The following SEZ6L variants were observed in gnomAD, a reference collection of about 807,000 sequenced individuals.
SEZ6L encodes seizure 6-like protein.
In SEZ6L, 37 loss-of-function variants were observed where a neutral mutation model predicts 106.2. The observed-to-expected ratio is 0.35, with a 90% CI of 0.27 to 0.46. The LOEUF (loss-of-function observed/expected upper bound fraction) is 0.46. SEZ6L is among the 20% of genes least tolerant of loss of function. The pLI is 1.00. For synonymous variants in SEZ6L, 541 were observed against 570.4 expected (o/e 0.95, Z 0.73); for missense variants, 1,172 against 1,332.8 (o/e 0.88, Z 1.88).
At chr22:26,342,533 C>CA (rs58902625) in intron 10 of SEZ6L, among the ~76,000 whole-genome samples, 43,992 of 144,418 alleles carry the variant, frequency 0.3, 7,952 homozygotes, top group African/African-American at 0.52. Flanking sequence ...ACTAAAAATA[C>CA]AAAAAAAAAA....
chr22:26,298,420 A>G (rs2081360999), intron 4 of SEZ6L, among the ~76,000 whole-genome samples: 2 of 152,136 alleles, frequency 1.3e-5, no homozygotes, highest in Non-Finnish European at 2.9e-5. Context: ...GTATTATCTC[A>G]TTTAATCCCC....
intron 1 of SEZ6L, among the ~76,000 whole-genome samples, chr22:26,190,741 G>A (rs1940135171): frequency 6.6e-6 from 1 of 152,162 alleles, no homozygotes; most frequent in South Asian, 2.1e-4. Flanking sequence ...ACTTGCCAAA[G>A]GAATGTCAGG....
intron 9 of SEZ6L, among the ~76,000 whole-genome samples, chr22:26,327,509 A>C (rs1406633476): frequency 7.1e-6 from 1 of 139,908 alleles, no homozygotes; most frequent in African/African-American, 2.7e-5. Context: ...CACACACCAC[A>C]CACGCCACAC....
chr22:26,321,559 C>G (rs567697790), intron 9 of SEZ6L, among the ~76,000 whole-genome samples: 370 of 152,338 alleles, frequency 2.4e-3, no homozygotes, highest in Non-Finnish European at 4.5e-3. Flanking sequence ...GGCATCTGGA[C>G]TTGGCACCTC....
intron 1 of SEZ6L, among the ~76,000 whole-genome samples, chr22:26,224,624 AC>A (rs1321396646): frequency 2.6e-5 from 4 of 152,204 alleles, no homozygotes; most frequent in African/African-American, 7.2e-5. Flanking sequence ...ATAAGAGTCT[AC>A]AGAGGTTTGA....
chr22:26,199,138 G>A (rs1017736634), intron 1 of SEZ6L, among the ~76,000 whole-genome samples: 1 of 152,216 alleles, frequency 6.6e-6, no homozygotes, highest in African/African-American at 2.4e-5. Flanking sequence ...AATGGAAAAG[G>A]ATGGTCCAAA....
intron 1 of SEZ6L, among the ~76,000 whole-genome samples, chr22:26,291,982 AG>A (rs1239034098): frequency 3.2e-5 from 1 of 31,438 alleles, no homozygotes; most frequent in African/African-American, 1.9e-4. Flanking sequence ...AGGAAAAGGA[AG>A]GAAGGAAGGA....
At chr22:26,323,492 G>T (rs12159313) in intron 9 of SEZ6L, among the ~76,000 whole-genome samples, 1 of 152,132 alleles carries the variant, frequency 6.6e-6, no homozygotes, top group Non-Finnish European at 1.5e-5. Context: ...AATTAGCCAG[G>T]CATGGTGGCT....
intron 1 of SEZ6L, among the ~76,000 whole-genome samples, chr22:26,212,748 C>T (rs942029562): frequency 6.6e-6 from 1 of 152,126 alleles, no homozygotes; most frequent in Non-Finnish European, 1.5e-5. Context: ...AAAGTAGACC[C>T]TGCCCCTTGA....
At chr22:26,311,387 T>TG (rs1410742698) in intron 7 of SEZ6L, among the ~76,000 whole-genome samples, 6 of 152,218 alleles carry the variant, frequency 3.9e-5, no homozygotes, top group African/African-American at 1.4e-4. Flanking sequence ...GGGGACTTTC[T>TG]GTTCTGGCTT....
At chr22:26,342,516 C>A (rs374740279) in intron 10 of SEZ6L, among the ~76,000 whole-genome samples, 1 of 147,688 alleles carries the variant, frequency 6.8e-6, no homozygotes, top group African/African-American at 2.6e-5. Flanking sequence ...AGTGAAACCC[C>A]GTCTCTACTA....
chr22:26,191,025 A>G (rs1331307161), intron 1 of SEZ6L, among the ~76,000 whole-genome samples: 1 of 152,220 alleles, frequency 6.6e-6, no homozygotes, highest in Non-Finnish European at 1.5e-5. Flanking sequence ...AGAAAAAGAT[A>G]CGGGGTGTGG....
chr22:26,251,541 G>A (rs1269047444), intron 1 of SEZ6L, among the ~76,000 whole-genome samples: 3 of 152,198 alleles, frequency 2.0e-5, no homozygotes, highest in Admixed American at 6.5e-5. Context: ...AGGGGAGCTG[G>A]AGAAAGTCAG....
chr22:26,304,787 G>A (rs1269932347), intron 5 of SEZ6L, among the ~76,000 whole-genome samples: 8 of 152,112 alleles, frequency 5.3e-5, no homozygotes, highest in African/African-American at 9.6e-5. Context: ...AAAATAGTGA[G>A]CATCTTCCTA....
At chr22:26,325,238 A>G (rs945406818) in intron 9 of SEZ6L, among the ~76,000 whole-genome samples, 2 of 152,218 alleles carry the variant, frequency 1.3e-5, no homozygotes, top group Non-Finnish European at 2.9e-5. Context: ...GCCAACCCAG[A>G]GGTATGGTGT....
chr22:26,373,814 A>T (rs1215533002), intron 14 of SEZ6L, among the ~76,000 whole-genome samples: 3 of 152,182 alleles, frequency 2.0e-5, no homozygotes, highest in Non-Finnish European at 4.4e-5. Flanking sequence ...AGGGGAACTA[A>T]ATCTAGTGAC....
At position 26,208,749 on chromosome 22, in the gene SEZ6L, T is replaced by C. The variant is rs371165392; in HGVS notation, c.94+38986T>C. Among the ~76,000 whole-genome samples, 83 of 152,266 alleles carry C rather than the reference T, an allele frequency of 5.5e-4. No homozygotes were observed. The South Asian group carries it at 0.016, about 30-fold the overall frequency. ...GGAGTTGGCTAACTCCTTGATTCTG[T>C]AAATGTATGTTTTTCATCAAATTTG... On this transcript the variant is annotated intron_variant, in intron 1 of 16. Transcript: ENST00000248933.
At chr22:26,365,351 T>C in intron 12 of SEZ6L, 21 bp from the exon 13 acceptor site, 1 of 1,592,198 alleles carries the variant, frequency 6.3e-7, no homozygotes, top group Non-Finnish European at 8.6e-7. Context: ...TCATCAGAGC[T>C]CCTTCTGGCT....
Position 26,314,661 on chromosome 22 carries a change from G to A in SEZ6L, c.2015+759G>A, listed in dbSNP as rs75216879. 9.1e-3 allele frequency among the ~76,000 whole-genome samples: 1,381 copies of A among 152,324 alleles called. 10 individuals are homozygous for A. The highest frequency in any genetic ancestry group is 0.029 in the Admixed American group (443 of 15,308). On this transcript the variant is annotated intron_variant, in intron 9 of 16. Transcript: ENST00000248933. ...GCGGCTGGGTTTCCTGTATTCACAG[G>A]GGGTAACCATTAGATTCTCCATCCA...
Sources: gnomAD v4.1 joint callset for allele counts (sites outside exome capture counted in the v4.1 genomes callset) on GRCh38, gnomAD v4.1.1 for gene constraint, MANE v1.5 for transcripts, NCBI Gene and HGNC (gene_info 2026-07-23, HGNC 2026-07-21) for gene names.